The following RFTN1 variants were observed in gnomAD, a reference collection of about 807,000 sequenced individuals.
RFTN1 encodes raftlin.
Under a neutral mutation model 46.5 loss-of-function variants are expected in RFTN1, and 26 were observed. The observed-to-expected ratio is 0.56, with a 90% confidence interval of 0.41 to 0.78. RFTN1 has a LOEUF of 0.78. Among genes scored for constraint, RFTN1 ranks in the 30% least tolerant of loss-of-function variants. The pLI is 0.00. For missense variants in RFTN1, 693 were observed against 718.7 expected (o/e 0.96, Z 0.41); for synonymous variants, 261 against 284.2 (o/e 0.92, Z 0.82).
At chr3:16,326,933 A>G (rs2069762068) in intron 7 of RFTN1, 57 bp from the exon 8 acceptor site, 6 of 1,312,572 alleles carry the variant, frequency 4.6e-6, no homozygotes, top group Admixed American at 1.8e-5. Context: ...CTCCCAGGCA[A>G]TGAGAGGGGA....
rs539419116 is a variant in RFTN1, at chr3:16,383,667, C to A, written c.442-5565G>T. Among the ~76,000 whole-genome samples the A allele has an allele frequency of 1.3e-5, 2 of 152,026 alleles. No homozygotes were observed. The highest frequency in any genetic ancestry group is 2.9e-5 in the Non-Finnish European group (2 of 68,028). On this transcript the variant is annotated intron_variant, in intron 4 of 9. Coordinates refer to ENST00000334133, the MANE Select transcript of RFTN1 (RefSeq NM_015150.2). The surrounding 1 kb of genome is among the most constrained non-coding windows in gnomAD (Gnocchi z 4.0). The stretch of plus-strand genomic sequence containing the variant: ...TATACTCTATGTGCATGCGAATATA[C>A]GTATTTGTGATTTAGAGTATGTGTA...
chr3:16,396,956 G>A (rs529176903), intron 4 of RFTN1, among the ~76,000 whole-genome samples: 4 of 151,576 alleles, frequency 2.6e-5, no homozygotes, highest in South Asian at 2.1e-4. Context: ...CCAGCTACTC[G>A]GGAGGCTGAG....
rs2075212150 is a variant in RFTN1, at chr3:16,422,769, A to G, written c.332+11082T>C. Among the ~76,000 whole-genome samples the G allele has an allele frequency of 2.6e-5, 4 of 152,266 alleles. 1 individual carries two copies. The South Asian group carries it at 8.3e-4, about 31-fold the overall frequency. On this transcript the variant is annotated intron_variant, in intron 3 of 9. Coordinates refer to ENST00000334133, the MANE Select transcript of RFTN1 (RefSeq NM_015150.2). This position sits in a 1 kb window ranked among gnomAD's most constrained non-coding sequence, Gnocchi z 4.6. ...GAATCAGGAATAGATTGGGATGTACATATAGAAATCCTAACTATAATAAAG... is the reference window on the plus strand; with the variant it reads ...GAATCAGGAATAGATTGGGATGTACGTATAGAAATCCTAACTATAATAAAG...
chr3:16,333,186 A>G (rs2070497962), intron 7 of RFTN1, among the ~76,000 whole-genome samples: 1 of 152,236 alleles, frequency 6.6e-6, no homozygotes, highest in Non-Finnish European at 1.5e-5. Context: ...GCTATTTTTA[A>G]CAGCTAAATC....
At chr3:16,396,106 A>G (rs993000549) in intron 4 of RFTN1, among the ~76,000 whole-genome samples, 5 of 152,184 alleles carry the variant, frequency 3.3e-5, no homozygotes, top group African/African-American at 7.2e-5. Context: ...TAAGGAATAA[A>G]ATGCCATTTT....
At chr3:16,420,526 C>T (rs1337646785) in intron 3 of RFTN1, among the ~76,000 whole-genome samples, 14 of 152,328 alleles carry the variant, frequency 9.2e-5, no homozygotes, top group African/African-American at 1.9e-4. Context: ...CTCTTCTCTA[C>T]GTGCATTGAA....
chr3:16,391,478 G>A (rs1004426335), intron 4 of RFTN1, among the ~76,000 whole-genome samples: 3 of 152,186 alleles, frequency 2.0e-5, no homozygotes, highest in African/African-American at 7.2e-5. Flanking sequence ...TCTCACAACA[G>A]ATTTTTTCCA....
chr3:16,507,144 G>A lies in RFTN1; in HGVS notation c.-9+6298C>T, dbSNP rs537770988. 1.3e-5 allele frequency among the ~76,000 whole-genome samples: 2 copies of A among 152,234 alleles called. No individual in the cohort carries two copies. Among genetic ancestry groups the A allele is most frequent in the South Asian group, 4.1e-4 (2 of 4,820 alleles). On this transcript the variant is annotated intron_variant, in intron 1 of 9. Coordinates refer to ENST00000334133, the MANE Select transcript of RFTN1 (RefSeq NM_015150.2). This position sits in a 1 kb window ranked among gnomAD's most constrained non-coding sequence, Gnocchi z 7.1. ...CTAGGGTGAGGACTAAATAAGGTAGGGTGAGTTACTATTTAACAGGGCTCA... is the reference window on the plus strand; with the variant it reads ...CTAGGGTGAGGACTAAATAAGGTAGAGTGAGTTACTATTTAACAGGGCTCA...
intron 4 of RFTN1, among the ~76,000 whole-genome samples, chr3:16,398,273 A>G (rs1363385389): frequency 1.4e-5 from 2 of 144,974 alleles, no homozygotes; most frequent in African/African-American, 2.6e-5. Flanking sequence ...AAAAAAAAAA[A>G]GAAGCATCAT....
chr3:16,469,505 A>G (rs551224895), intron 2 of RFTN1, among the ~76,000 whole-genome samples: 23 of 152,378 alleles, frequency 1.5e-4, no homozygotes, highest in Non-Finnish European at 2.9e-4. Context: ...ACCAAGAGAC[A>G]GTGCAAAGGC....
chr3:16,409,533 T>C (rs1426697312), intron 3 of RFTN1, 50 bp from the exon 4 acceptor site: 1 of 1,317,736 alleles, frequency 7.6e-7, no homozygotes, highest in Non-Finnish European at 1.1e-6. Flanking sequence ...TCTTGCATAA[T>C]TTGGAGACAG....
At chr3:16,347,300 TA>T (rs1482621720) in intron 7 of RFTN1, among the ~76,000 whole-genome samples, 1 of 152,208 alleles carries the variant, frequency 6.6e-6, no homozygotes, top group Non-Finnish European at 1.5e-5. Flanking sequence ...ATCCATTTTC[TA>T]GGGGGGGCTA....
In RFTN1 at chr3:16,407,754, C is replaced by CT. The variant is rs546916526; in HGVS notation, c.441+1620dup. Reference sequence around the variant, plus strand: ...CATGCGTTATTAAAACACTTGTGTTCTCAGGCTTATGCGTATGTGAACAAA... The same window carrying CT: ...CATGCGTTATTAAAACACTTGTGTTCTTCAGGCTTATGCGTATGTGAACAAA... On this transcript the variant is annotated intron_variant, in intron 4 of 9. Coordinates refer to ENST00000334133, the MANE Select transcript of RFTN1 (RefSeq NM_015150.2). The surrounding 1 kb of genome is among the most constrained non-coding windows in gnomAD (Gnocchi z 4.0). Among the ~76,000 whole-genome samples, 5 of 152,262 alleles carry CT rather than the reference C, an allele frequency of 3.3e-5. No homozygotes were observed. The South Asian group carries it at 1.0e-3, about 32-fold the overall frequency.
In RFTN1 at chr3:16,344,250, A is replaced by T. The variant is rs112843281; in HGVS notation, c.1146+13682T>A. Among the ~76,000 whole-genome samples, 5 of 152,256 alleles carry T rather than the reference A, an allele frequency of 3.3e-5. 1 individual carries two copies. Among genetic ancestry groups the T allele is most frequent in the African/African-American group, 1.2e-4 (5 of 41,548 alleles). ...TTTTGTCCAACATTCATATACTAAG[A>T]AGTAACAGATTGGAAGGGGTTTAAG... On this transcript the variant is annotated intron_variant, in intron 7 of 9. Transcript: ENST00000334133. This position sits in a 1 kb window ranked among gnomAD's most constrained non-coding sequence, Gnocchi z 4.4.
chr3:16,436,374 T>A (rs1294199993), intron 2 of RFTN1, among the ~76,000 whole-genome samples: 3 of 145,926 alleles, frequency 2.1e-5, no homozygotes, highest in African/African-American at 5.1e-5. Flanking sequence ...TTTTTTTTTT[T>A]AAGACAAAGT....
chr3:16,442,499 T>C lies in RFTN1; in HGVS notation c.146-8462A>G, dbSNP rs994454732. 8.5e-5 allele frequency among the ~76,000 whole-genome samples: 13 copies of C among 152,198 alleles called. No homozygotes were observed. Among genetic ancestry groups the C allele is most frequent in the African/African-American group, 3.1e-4 (13 of 41,428 alleles). The stretch of plus-strand genomic sequence containing the variant: ...CAAGGTGTACAACATGATGCCTCAA[T>C]GTATATATACTTAGTTCAAATGATT... On this transcript the variant is annotated intron_variant, in intron 2 of 9. Transcript: ENST00000334133. The surrounding 1 kb of genome is among the most constrained non-coding windows in gnomAD (Gnocchi z 4.1).
At chr3:16,464,617 G>C (rs2076060262) in intron 2 of RFTN1, among the ~76,000 whole-genome samples, 1 of 152,208 alleles carries the variant, frequency 6.6e-6, no homozygotes, top group Non-Finnish European at 1.5e-5. Context: ...ATATTTTAGA[G>C]CACAGTTTGC....
Position 16,353,669 on chromosome 3 carries a change from G to A in RFTN1, c.1146+4263C>T, listed in dbSNP as rs1466271015. ...TGGGGCCTCTACAGAAGTAATTAAGGTTAAATGAAGTCATACGCATGGGAC... is the reference window on the plus strand; with the variant it reads ...TGGGGCCTCTACAGAAGTAATTAAGATTAAATGAAGTCATACGCATGGGAC... On this transcript the variant is annotated intron_variant, in intron 7 of 9. Transcript: ENST00000334133. This position sits in a 1 kb window ranked among gnomAD's most constrained non-coding sequence, Gnocchi z 5.4. Among the ~76,000 whole-genome samples, 43 of 152,162 alleles carry A rather than the reference G, an allele frequency of 2.8e-4. No individual in the cohort carries two copies. The highest frequency in any genetic ancestry group is 6.5e-5 in the Admixed American group (1 of 15,280).
chr3:16,432,552 T>C (rs1037291980), intron 3 of RFTN1, among the ~76,000 whole-genome samples: 4 of 151,370 alleles, frequency 2.6e-5, no homozygotes, highest in Non-Finnish European at 5.9e-5. Flanking sequence ...GAAACCAATA[T>C]GCAGCCAGGC....
Sources: gnomAD v4.1 joint callset for allele counts (sites outside exome capture counted in the v4.1 genomes callset) on GRCh38, gnomAD v4.1.1 for gene constraint, Gnocchi (gnomAD v3.1) non-coding constraint, MANE v1.5 for transcripts, NCBI Gene and HGNC (gene_info 2026-07-23, HGNC 2026-07-21) for gene names.